TLN2: variants seen among roughly 807,000 people sequenced by gnomAD.
The protein encoded by TLN2 is talin 2, also known as talin-2.
TLN2 carries 118 observed loss-of-function variants against 294.7 expected under a neutral mutation model. The observed-to-expected ratio is 0.40, with a 90% confidence interval of 0.34 to 0.47. The LOEUF is 0.47. Among genes scored for constraint, TLN2 ranks in the 20% least tolerant of loss-of-function variants. The pLI is 0.84. For synonymous variants in TLN2, 1,431 were observed against 1,304.5 expected (o/e 1.10, Z -2.09); for missense variants, 3,083 against 3,282.2 (o/e 0.94, Z 1.48).
At chr15:62,649,344 T>C (rs2052318111) in intron 4 of TLN2, among the ~76,000 whole-genome samples, 1 of 152,032 alleles carries the variant, frequency 6.6e-6, no homozygotes, top group African/African-American at 2.4e-5. Flanking sequence ...CTGGTGAAGG[T>C]ATAAACCTTT....
intron 3 of TLN2, chr15:62,640,267 A>G (rs2140911491): frequency 2.2e-6 from 1 of 455,908 alleles, no homozygotes; most frequent in East Asian, 7.0e-5. Context: ...CATTCCTGGG[A>G]GATTGAGATG....
At position 62,833,616 on chromosome 15, in the gene TLN2, T is replaced by C; in HGVS notation, c.7115T>C (p.Val2372Ala). 2 of 1,613,984 alleles carry C rather than the reference T, an allele frequency of 1.2e-6. No individual in the cohort carries two copies. Among genetic ancestry groups the C allele is most frequent in the Non-Finnish European group, 1.7e-6 (2 of 1,179,958 alleles). ...GCCTCAGCAGCCCAGAGGGAGCTGG[T>C]GGCCCAAGGAAAGGTGGGTAAAGCC... is the stretch of plus-strand genomic sequence containing the variant. ...KSASAAQREL[V>A]AQGKVGSIPA... Residue 2372 changes from valine (V) to alanine (A), a missense_variant, in exon 55 of 59, where the codon GTG (valine) becomes GCG (alanine). Physicochemically the swap from Val to Ala is moderately conservative, Grantham distance 64. Transcript: ENST00000636159.
At chr15:62,518,629 GCT>G (rs2040303634) in intron 1 of TLN2, among the ~76,000 whole-genome samples, 1 of 151,924 alleles carries the variant, frequency 6.6e-6, no homozygotes, top group Non-Finnish European at 1.5e-5. Flanking sequence ...TGGAATTTTT[GCT>G]CTGTCACCCA....
intron 1 of TLN2, among the ~76,000 whole-genome samples, chr15:62,395,127 T>G (rs1023061168): frequency 6.6e-6 from 1 of 151,146 alleles, no homozygotes; most frequent in African/African-American, 2.4e-5. Context: ...CCATGTACTT[T>G]ATGCTGAGAA....
intron 20 of TLN2, among the ~76,000 whole-genome samples, chr15:62,707,980 C>G (rs1054802349): frequency 2.6e-5 from 4 of 151,926 alleles, no homozygotes; most frequent in Admixed American, 2.6e-4. Context: ...CATCAATAGC[C>G]TGTGGTAAGA....
chr15:62,580,922 T>C (rs994806910), intron 1 of TLN2, among the ~76,000 whole-genome samples: 12 of 151,428 alleles, frequency 7.9e-5, no homozygotes, highest in Non-Finnish European at 1.3e-4. Flanking sequence ...TCGGTCTTGT[T>C]GCCTAGGCTG....
At chr15:62,821,583 T>A (rs1361702461) in intron 54 of TLN2, among the ~76,000 whole-genome samples, 2 of 152,266 alleles carry the variant, frequency 1.3e-5, no homozygotes, top group African/African-American at 4.8e-5. Context: ...AGACTGAGTC[T>A]GTTCAGCTTG....
At chr15:62,730,029 C>CTTTTT (rs11368681) in intron 28 of TLN2, among the ~76,000 whole-genome samples, 1 of 121,172 alleles carries the variant, frequency 8.3e-6, no homozygotes, top group African/African-American at 3.2e-5. Flanking sequence ...TTATTGTTGT[C>CTTTTT]TTTTTTTTTT....
At position 62,542,292 on chromosome 15, in the gene TLN2, C is replaced by T. The variant is rs537206221; in HGVS notation, c.-237-47395C>T. 6.6e-5 allele frequency among the ~76,000 whole-genome samples: 10 copies of T among 152,130 alleles called. No homozygotes were observed. In the East Asian group the frequency reaches 1.5e-3, roughly 24 times the overall value. On this transcript the variant is annotated intron_variant, in intron 1 of 58. Coordinates refer to ENST00000636159, the MANE Select transcript of TLN2 (RefSeq NM_015059.3). ...CTGCAAGCTGCACCTCCCGGGTTCACGCCATTCTCCTGCCTCAGCCTCCAG... is the reference window on the plus strand; with the variant it reads ...CTGCAAGCTGCACCTCCCGGGTTCATGCCATTCTCCTGCCTCAGCCTCCAG...
intron 28 of TLN2, among the ~76,000 whole-genome samples, chr15:62,734,861 G>A (rs550608093): frequency 1.8e-4 from 27 of 152,184 alleles, no homozygotes; most frequent in Non-Finnish European, 3.5e-4. Flanking sequence ...GTATCTCAGA[G>A]CCTCACCCTC....
At chr15:62,714,341 TACAG>T (rs1434017815) in intron 22 of TLN2, among the ~76,000 whole-genome samples, 145 of 151,986 alleles carry the variant, frequency 9.5e-4, no homozygotes, top group Non-Finnish European at 4.1e-4. Flanking sequence ...TAGCTGGGAC[TACAG>T]GTGCCTGCCA....
At chr15:62,694,168 G>A (rs1250525479) in intron 13 of TLN2, 148 bp from the exon 14 acceptor site, 8 of 568,114 alleles carry the variant, frequency 1.4e-5, no homozygotes, top group Non-Finnish European at 2.2e-5. Flanking sequence ...TTAGAGACGG[G>A]GTCTCACTGT....
chr15:62,616,148 C>G (rs976652679), intron 2 of TLN2, among the ~76,000 whole-genome samples: 1 of 152,124 alleles, frequency 6.6e-6, no homozygotes, highest in Non-Finnish European at 1.5e-5. Context: ...TATCTTCTGA[C>G]TTAACTTTAC....
chr15:62,840,782 T>A lies in TLN2; in HGVS notation c.*172T>A. The A allele has an allele frequency of 1.1e-6, 1 of 878,270 alleles. No homozygotes were observed. 54.4% of individuals were successfully genotyped at this position (878,270 alleles called of 1,614,324 possible). A position where few individuals can be genotyped will look rare whatever the true frequency, so the allele number is the denominator to read the frequency against. The stretch of plus-strand genomic sequence containing the variant: ...TGTCCCGTCGGCACTGGCTGCATGA[T>A]CGTGATGTCACACGGTACAATGTCC... On this transcript the variant is annotated 3_prime_UTR_variant, in exon 59 of 59. Transcript: ENST00000636159.
intron 1 of TLN2, among the ~76,000 whole-genome samples, chr15:62,477,916 C>CGGGG (rs2037869092): frequency 2.4e-5 from 2 of 84,192 alleles, no homozygotes; most frequent in East Asian, 6.0e-4. Context: ...GGGGGTGCAG[C>CGGGG]GGGGGCAGAG....
At chr15:62,445,670 T>C (rs913918179) in intron 1 of TLN2, among the ~76,000 whole-genome samples, 2 of 149,022 alleles carry the variant, frequency 1.3e-5, no homozygotes, top group Admixed American at 1.3e-4. Flanking sequence ...TTTTTGAGGG[T>C]GGGTGTTGGG....
intron 2 of TLN2, among the ~76,000 whole-genome samples, chr15:62,602,581 G>C (rs757861484): frequency 2.0e-5 from 3 of 152,142 alleles, no homozygotes; most frequent in Non-Finnish European, 4.4e-5. Context: ...ATTTCTCATA[G>C]CTCTGGAGGC....
intron 1 of TLN2, among the ~76,000 whole-genome samples, chr15:62,572,036 T>G (rs1436110891): frequency 6.6e-6 from 1 of 152,210 alleles, no homozygotes; most frequent in Non-Finnish European, 1.5e-5. Context: ...TGCGGAGCCT[T>G]GTGCTGGGCA....
chr15:62,615,476 G>T (rs1034562717), intron 2 of TLN2, among the ~76,000 whole-genome samples: 2 of 152,206 alleles, frequency 1.3e-5, no homozygotes, highest in Non-Finnish European at 2.9e-5. Context: ...AATTGGTTAA[G>T]CAGAGCTTGG....
Sources: allele counts gnomAD v4.1 joint callset (sites outside exome capture counted in the v4.1 genomes callset), GRCh38; gene constraint gnomAD v4.1.1; transcripts MANE v1.5; gene names NCBI Gene and HGNC (gene_info 2026-07-23, HGNC 2026-07-21).